SCD5: variants seen among roughly 807,000 people sequenced by gnomAD.
The protein encoded by SCD5 is stearoyl-CoA desaturase 5.
In SCD5, 20 loss-of-function variants were observed where a neutral mutation model predicts 30.4. That is an observed-to-expected ratio of 0.66 (90% CI 0.46 to 0.96). SCD5 has a LOEUF of 0.96. SCD5 is among the 40% of genes least tolerant of loss of function. The probability of loss-of-function intolerance (pLI) is 0.00; values close to 1 mark genes in which losing one functional copy is unlikely to be tolerated. For missense variants in SCD5, 381 were observed against 443.3 expected (o/e 0.86, Z 1.26); for synonymous variants, 173 against 176.4 (o/e 0.98, Z 0.16).
At chr4:82,690,406 GA>G (rs1424139376) in intron 2 of SCD5, among the ~76,000 whole-genome samples, 6 of 152,156 alleles carry the variant, frequency 3.9e-5, no homozygotes, top group African/African-American at 1.4e-4. Flanking sequence ...TAAAAGATCT[GA>G]AAAAATTATT....
At chr4:82,777,219 C>G (rs1721761907) in intron 1 of SCD5, among the ~76,000 whole-genome samples, 1 of 152,238 alleles carries the variant, frequency 6.6e-6, no homozygotes, top group Non-Finnish European at 1.5e-5. Flanking sequence ...TGGCGAGAAT[C>G]TAAGTTACTT....
chr4:82,710,659 C>T (rs575770215), intron 1 of SCD5, among the ~76,000 whole-genome samples: 2 of 152,304 alleles, frequency 1.3e-5, no homozygotes, highest in African/African-American at 4.8e-5. Context: ...AGGCACTGTA[C>T]TTTGATGTCT....
rs549209342 is a variant in SCD5 at position 82,735,449 on chromosome 4, G to A, written c.233-30036C>T. ...CCTCCCACCCTGAAGTGCAATAAGCGGGTTGGGTAATAAATGGATACAAAT... is the reference window on the plus strand; with the variant it reads ...CCTCCCACCCTGAAGTGCAATAAGCAGGTTGGGTAATAAATGGATACAAAT... On this transcript the variant is annotated intron_variant, in intron 1 of 4. Coordinates refer to ENST00000319540, the MANE Select transcript of SCD5 (RefSeq NM_001037582.3). Among the ~76,000 whole-genome samples the A allele has an allele frequency of 6.6e-5, 10 of 152,212 alleles. No individual in the cohort carries two copies. The East Asian group carries it at 9.7e-4, about 15-fold the overall frequency.
chr4:82,736,903 T>A (rs1010146345), intron 1 of SCD5, among the ~76,000 whole-genome samples: 1 of 152,174 alleles, frequency 6.6e-6, no homozygotes, highest in Non-Finnish European at 1.5e-5. Flanking sequence ...TGGGCTCAAG[T>A]GATCCTCCCA....
chr4:82,660,574 T>G, intron 3 of SCD5: 1 of 1,217,064 alleles, frequency 8.2e-7, no homozygotes, highest in Non-Finnish European at 1.0e-6. Context: ...ATATATTAAC[T>G]AATGTATTCT....
At chr4:82,786,876 A>C (rs960972674) in intron 1 of SCD5, among the ~76,000 whole-genome samples, 1 of 152,072 alleles carries the variant, frequency 6.6e-6, no homozygotes, top group African/African-American at 2.4e-5. Flanking sequence ...ACTTACCTTA[A>C]GTAGGCATTG....
intron 1 of SCD5, among the ~76,000 whole-genome samples, chr4:82,733,733 A>G (rs886992609): frequency 1.3e-5 from 2 of 152,138 alleles, no homozygotes; most frequent in East Asian, 1.9e-4. Flanking sequence ...GCACATGCTC[A>G]TGAAGCCTCT....
At position 82,681,233 on chromosome 4, in the gene SCD5, G is replaced by T. The variant is rs552647678; in HGVS notation, c.364-321C>A. Among the ~76,000 whole-genome samples, 5 of 152,200 alleles carry T rather than the reference G, an allele frequency of 3.3e-5. No individual in the cohort carries two copies. The East Asian group carries it at 9.6e-4, about 29-fold the overall frequency. On this transcript the variant is annotated intron_variant, in intron 2 of 4. Coordinates refer to ENST00000319540, the MANE Select transcript of SCD5 (RefSeq NM_001037582.3). The stretch of plus-strand genomic sequence containing the variant: ...TGGTGGGGGCGACTGAAGTCTCCTA[G>T]ATCATTTATGTCAAGAAAAAAGAGA...
intron 1 of SCD5, among the ~76,000 whole-genome samples, chr4:82,716,954 C>T (rs1560542424): frequency 6.6e-6 from 1 of 151,682 alleles, no homozygotes; most frequent in Non-Finnish European, 1.5e-5. Context: ...ATAGCATTTA[C>T]ATTGTTTTGG....
chr4:82,653,410 T>A (rs749116523), intron 3 of SCD5, among the ~76,000 whole-genome samples: 1 of 152,142 alleles, frequency 6.6e-6, no homozygotes, highest in Non-Finnish European at 1.5e-5. Flanking sequence ...CATTAGAAGG[T>A]GTTTCCTAAT....
At chr4:82,721,903 A>G (rs1326030491) in intron 1 of SCD5, among the ~76,000 whole-genome samples, 1 of 152,240 alleles carries the variant, frequency 6.6e-6, no homozygotes, top group Non-Finnish European at 1.5e-5. Flanking sequence ...AAAGGGGAAA[A>G]TAGAATCTTA....
chr4:82,679,234 A>AAGAGAGAGAGAG (rs1560531633), intron 3 of SCD5, among the ~76,000 whole-genome samples: 8 of 96,402 alleles, frequency 8.3e-5, no homozygotes, highest in African/African-American at 2.1e-4. Flanking sequence ...GAAAGAAAGA[A>AAGAGAGAGAGAG]AGAAAGAAAG....
rs1012274064 is a variant in SCD5, at chr4:82,778,961, G to A, written c.232+19345C>T. On this transcript the variant is annotated intron_variant, in intron 1 of 4. Coordinates refer to ENST00000319540, the MANE Select transcript of SCD5 (RefSeq NM_001037582.3). Reference sequence around the variant, plus strand: ...AGCTCATGGCAATCTCTGCCTCCCAGGTTCAAGCGATTCTCCTGCCTCAGC... The same window carrying A: ...AGCTCATGGCAATCTCTGCCTCCCAAGTTCAAGCGATTCTCCTGCCTCAGC... 2.0e-5 allele frequency among the ~76,000 whole-genome samples: 3 copies of A among 151,748 alleles called. No individual in the cohort carries two copies. In the East Asian group the frequency reaches 5.8e-4, roughly 29 times the overall value.
At chr4:82,636,045 T>C (rs1292470063) in intron 4 of SCD5, among the ~76,000 whole-genome samples, 1 of 152,218 alleles carries the variant, frequency 6.6e-6, no homozygotes, top group African/African-American at 2.4e-5. Context: ...TACTAGTTAC[T>C]GATCACCTAC....
chr4:82,639,393 G>A lies in SCD5; in HGVS notation c.570-2570C>T, dbSNP rs1028673803. Among the ~76,000 whole-genome samples the A allele has an allele frequency of 3.9e-5, 6 of 152,314 alleles. 1 individual carries two copies. The highest frequency in any genetic ancestry group is 3.4e-3 in the Middle Eastern group (1 of 294). ...AGGCAGCACTGGGTGGAGGGAGAAG[G>A]TCACCCACAATGAGTTTCAGTGGAT... On this transcript the variant is annotated intron_variant, in intron 3 of 4. Transcript: ENST00000319540.
chr4:82,740,875 T>G (rs1720858431), intron 1 of SCD5, among the ~76,000 whole-genome samples: 5 of 152,154 alleles, frequency 3.3e-5, no homozygotes, highest in Non-Finnish European at 7.4e-5. Flanking sequence ...AATTCTGTGT[T>G]AGAAACTATA....
chr4:82,751,773 C>T (rs537219963), intron 1 of SCD5, among the ~76,000 whole-genome samples: 193 of 152,192 alleles, frequency 1.3e-3, no homozygotes, highest in Non-Finnish European at 9.9e-4. Flanking sequence ...ATTACAGGCA[C>T]GCGCCACTAC....
At chr4:82,787,135 T>C (rs1560563663) in intron 1 of SCD5, among the ~76,000 whole-genome samples, 1 of 152,164 alleles carries the variant, frequency 6.6e-6, no homozygotes, top group Admixed American at 6.5e-5. Flanking sequence ...ATGCTCCCTT[T>C]TGAAGCAAAA....
chr4:82,678,625 T>C (rs1728486081), intron 3 of SCD5, among the ~76,000 whole-genome samples: 1 of 152,180 alleles, frequency 6.6e-6, no homozygotes, highest in Non-Finnish European at 1.5e-5. Flanking sequence ...TATGACATGC[T>C]CAACTGATGG....
Sources: allele counts gnomAD v4.1 joint callset (sites outside exome capture counted in the v4.1 genomes callset), GRCh38; gene constraint gnomAD v4.1.1; transcripts MANE v1.5; gene names NCBI Gene and HGNC (gene_info 2026-07-23, HGNC 2026-07-21).